CDH18: variants seen among roughly 807,000 people sequenced by gnomAD.
CDH18 encodes the protein cadherin-18.
A neutral mutation model predicts 67.9 loss-of-function variants in CDH18; 31 were observed. That is an observed-to-expected ratio of 0.46 (90% confidence interval 0.34 to 0.62). The LOEUF is 0.62. Ranked by LOEUF, CDH18 falls within the 20% of genes least tolerant of loss-of-function variation. The probability of loss-of-function intolerance (pLI) is 0.01; values close to 1 mark genes in which losing one functional copy is unlikely to be tolerated. For synonymous variants in CDH18, 362 were observed against 347.2 expected (o/e 1.04, Z -0.48); for missense variants, 890 against 975.5 (o/e 0.91, Z 1.17).
intron 1 of CDH18, among the ~76,000 whole-genome samples, chr5:20,297,620 T>C (rs1295463916): frequency 6.6e-6 from 1 of 152,202 alleles, no homozygotes; most frequent in Admixed American, 6.5e-5. Flanking sequence ...AACTGGATGC[T>C]GCTAAATATA....
At chr5:20,555,408 CTTTTTTT>C (rs774396694) in intron 1 of CDH18, among the ~76,000 whole-genome samples, 1 of 103,654 alleles carries the variant, frequency 9.6e-6, no homozygotes, top group African/African-American at 4.1e-5. Context: ...ACAAGCTTTT[CTTTTTTT>C]TTTTTTTTTT....
chr5:20,101,812 G>A lies in CDH18; in HGVS notation c.-517-109798C>T, dbSNP rs76670252. On this transcript the variant is annotated intron_variant, in intron 2 of 14. Transcript: ENST00000507958. The stretch of plus-strand genomic sequence containing the variant: ...CAGCTAGCCGGGCGTGTTGGCTCAC[G>A]TCTATAATCCCAGCATTTTGGGAGG... Among the ~76,000 whole-genome samples, 1,071 of 152,294 alleles carry A rather than the reference G, an allele frequency of 7.0e-3. 14 individuals carry two copies. Among genetic ancestry groups the A allele is most frequent in the African/African-American group, 0.025 (1,025 of 41,554 alleles).
At chr5:20,082,178 T>C (rs1744539284) in intron 2 of CDH18, among the ~76,000 whole-genome samples, 13 of 151,622 alleles carry the variant, frequency 8.6e-5, no homozygotes, top group Admixed American at 8.5e-4. Flanking sequence ...CAGTTTAAGG[T>C]ACGCTTTTTC....
chr5:20,067,773 C>T (rs1471005965), intron 2 of CDH18, among the ~76,000 whole-genome samples: 3 of 152,014 alleles, frequency 2.0e-5, no homozygotes. Context: ...CCATATTTCA[C>T]CATTATATAG....
intron 2 of CDH18, among the ~76,000 whole-genome samples, chr5:19,906,758 G>A (rs979334968): frequency 1.3e-5 from 2 of 151,868 alleles, no homozygotes; most frequent in African/African-American, 4.8e-5. Context: ...AACATTCTAA[G>A]GTCAATTATT....
chr5:19,553,044 A>G (rs1737747163), intron 8 of CDH18, among the ~76,000 whole-genome samples: 1 of 152,188 alleles, frequency 6.6e-6, no homozygotes, highest in Non-Finnish European at 1.5e-5. Flanking sequence ...CAGACAGAAA[A>G]TTTATGACCA....
At chr5:19,669,944 T>A (rs1025844707) in intron 5 of CDH18, among the ~76,000 whole-genome samples, 1 of 152,144 alleles carries the variant, frequency 6.6e-6, no homozygotes, top group Non-Finnish European at 1.5e-5. Context: ...TGAAGACTCA[T>A]GAGTTTGCAT....
chr5:20,443,817 AAATT>A (rs1203931653), intron 1 of CDH18, among the ~76,000 whole-genome samples: 5 of 151,918 alleles, frequency 3.3e-5, no homozygotes, highest in Non-Finnish European at 7.3e-5. Context: ...CAAAGGGTAG[AAATT>A]AATTATCTCT....
intron 1 of CDH18, chr5:20,305,780 T>A (rs1736390673): frequency 3.7e-6 from 1 of 267,648 alleles, no homozygotes; most frequent in Non-Finnish European, 7.1e-6. Context: ...GTAACTCGAA[T>A]CTACCCCCAA....
chr5:20,146,853 C>A (rs1435847023), intron 2 of CDH18, among the ~76,000 whole-genome samples: 2 of 151,886 alleles, frequency 1.3e-5, no homozygotes, highest in African/African-American at 4.8e-5. Flanking sequence ...ACAATGATTT[C>A]TTTATACTTT....
At chr5:19,761,786 G>C (rs923703088) in intron 3 of CDH18, among the ~76,000 whole-genome samples, 1 of 151,890 alleles carries the variant, frequency 6.6e-6, no homozygotes, top group Non-Finnish European at 1.5e-5. Context: ...ATTGCCAAGA[G>C]AATCCTAAGC....
chr5:19,704,432 C>T (rs961275717), intron 5 of CDH18, among the ~76,000 whole-genome samples: 1 of 152,072 alleles, frequency 6.6e-6, no homozygotes, highest in African/African-American at 2.4e-5. Flanking sequence ...AGATTTATTA[C>T]AACAATGGGG....
intron 1 of CDH18, among the ~76,000 whole-genome samples, chr5:20,344,380 C>T (rs1015255766): frequency 6.6e-6 from 1 of 152,064 alleles, no homozygotes; most frequent in African/African-American, 2.4e-5. Flanking sequence ...ACCCCTATGC[C>T]AAAGATAAGG....
At chr5:20,199,863 T>C (rs1453982648) in intron 2 of CDH18, among the ~76,000 whole-genome samples, 1 of 152,178 alleles carries the variant, frequency 6.6e-6, no homozygotes, top group Non-Finnish European at 1.5e-5. Flanking sequence ...GTGTCTGGCA[T>C]TTCCCCTGCT....
intron 2 of CDH18, among the ~76,000 whole-genome samples, chr5:20,188,742 T>C (rs1281551269): frequency 1.3e-5 from 2 of 151,508 alleles, no homozygotes; most frequent in Non-Finnish European, 2.9e-5. Context: ...TGCACGAGTT[T>C]GATCCAAGCA....
intron 2 of CDH18, among the ~76,000 whole-genome samples, chr5:19,955,166 C>T (rs544496374): frequency 7.2e-5 from 11 of 152,062 alleles, no homozygotes; most frequent in Admixed American, 3.9e-4. Context: ...CCCCTTCCAC[C>T]ATGATTGTAA....
intron 1 of CDH18, among the ~76,000 whole-genome samples, chr5:20,262,992 G>A (rs993116347): frequency 7.4e-6 from 1 of 136,054 alleles, no homozygotes; most frequent in African/African-American, 2.7e-5. Flanking sequence ...AGGGAAGGGA[G>A]GGAAGGGGAG....
At chr5:19,924,383 T>A (rs1490571116) in intron 2 of CDH18, among the ~76,000 whole-genome samples, 1 of 152,148 alleles carries the variant, frequency 6.6e-6, no homozygotes, top group Non-Finnish European at 1.5e-5. Flanking sequence ...ACGCCTATAA[T>A]CCCAGCACTT....
intron 2 of CDH18, among the ~76,000 whole-genome samples, chr5:19,955,998 C>T (rs1057071693): frequency 2.6e-5 from 4 of 152,010 alleles, no homozygotes; most frequent in African/African-American, 9.6e-5. Flanking sequence ...CCCAAAGTAT[C>T]AAATTATGAA....
Sources: gnomAD v4.1 joint callset for allele counts (sites outside exome capture counted in the v4.1 genomes callset) on GRCh38, gnomAD v4.1.1 for gene constraint, MANE v1.5 for transcripts, NCBI Gene and HGNC (gene_info 2026-07-23, HGNC 2026-07-21) for gene names.